The following FAM117B variants were observed in gnomAD, a reference collection of about 807,000 sequenced individuals.
FAM117B encodes family with sequence similarity 117 member B, also known as protein FAM117B.
FAM117B carries 22 observed loss-of-function variants against 52.8 expected under a neutral mutation model. That is an observed-to-expected ratio of 0.42 (90% confidence interval 0.30 to 0.59). The LOEUF (loss-of-function observed/expected upper bound fraction) is 0.59. FAM117B is among the 20% of genes least tolerant of loss of function. The pLI is 0.22. For synonymous variants in FAM117B, 309 were observed against 324.1 expected (o/e 0.95, Z 0.50); for missense variants, 678 against 802.6 (o/e 0.84, Z 1.88).
At chr2:202,706,460 T>A (rs954517929) in intron 2 of FAM117B, among the ~76,000 whole-genome samples, 1 of 152,248 alleles carries the variant, frequency 6.6e-6, no homozygotes, top group South Asian at 2.1e-4. Flanking sequence ...TTTTCCAGTT[T>A]ATGGAAAAGA....
intron 4 of FAM117B, among the ~76,000 whole-genome samples, chr2:202,744,439 G>A (rs991302810): frequency 1.3e-5 from 2 of 152,102 alleles, no homozygotes; most frequent in Non-Finnish European, 2.9e-5. Context: ...CTATTCATGA[G>A]AAATCTGCCT....
At chr2:202,735,737 C>T (rs1025585556) in intron 4 of FAM117B, among the ~76,000 whole-genome samples, 2 of 152,130 alleles carry the variant, frequency 1.3e-5, no homozygotes, top group African/African-American at 2.4e-5. Context: ...GTCACATAAA[C>T]TAATTTTGAG....
chr2:202,763,776 A>G (rs191001203), intron 7 of FAM117B, among the ~76,000 whole-genome samples: 7 of 152,262 alleles, frequency 4.6e-5, no homozygotes, highest in African/African-American at 1.2e-4. Context: ...AGCTCTCCAT[A>G]GTGTTCACTG....
In FAM117B at chr2:202,759,360, A is replaced by G; in HGVS notation, c.1451+7A>G. ...AAGTCTTTGAGGAATGCTCGTAAGT[A>G]TCCCTTCCACCATCCCCACAAAAAA... is the stretch of plus-strand genomic sequence containing the variant. On this transcript the variant is annotated splice_region_variant and intron_variant, in intron 7 of 7. Transcript: ENST00000392238. 6.2e-7 allele frequency: 1 copy of G among 1,606,022 alleles called. No homozygotes were observed. Among genetic ancestry groups the G allele is most frequent in the Non-Finnish European group, 8.5e-7 (1 of 1,177,626 alleles).
At chr2:202,692,523 A>G (rs1690649850) in intron 1 of FAM117B, among the ~76,000 whole-genome samples, 1 of 152,242 alleles carries the variant, frequency 6.6e-6, no homozygotes, top group Non-Finnish European at 1.5e-5. Flanking sequence ...CAAAATTTCA[A>G]AATATAATAA....
At chr2:202,760,240 G>T (rs188009412) in intron 7 of FAM117B, among the ~76,000 whole-genome samples, 1 of 152,306 alleles carries the variant, frequency 6.6e-6, no homozygotes, top group Non-Finnish European at 1.5e-5. Context: ...GCTGTCATTT[G>T]TGAACATGTA....
chr2:202,635,386 G>T lies in FAM117B; in HGVS notation c.199G>T (p.Gly67Cys). 7.4e-7 allele frequency: 1 copy of T among 1,351,124 alleles called. No homozygotes were observed. Among genetic ancestry groups the T allele is most frequent in the Non-Finnish European group, 9.5e-7 (1 of 1,055,384 alleles). 83.7% of individuals were successfully genotyped at this position (1,351,124 alleles called of 1,614,324 possible). ...SGGGGGGNNN[G>C]GCCGGASGPA... ...CGGCGGCGGCGGCGGCAACAACAAC[G>T]GTGGCTGCTGTGGTGGCGCCTCAGG... Residue 67 changes from glycine to cysteine, a missense_variant, in exon 1 of 8, where the codon GGT (glycine) becomes TGT (cysteine). By Grantham distance (159) the Gly-to-Cys change is radical (BLOSUM62 -3). Transcript: ENST00000392238.
chr2:202,760,463 C>T (rs910885608), intron 7 of FAM117B, among the ~76,000 whole-genome samples: 9 of 152,166 alleles, frequency 5.9e-5, no homozygotes, highest in Middle Eastern at 6.3e-3. Context: ...GTATTTCTGC[C>T]TCCCCTCTTT....
chr2:202,753,634 C>A (rs1225535589), intron 4 of FAM117B, among the ~76,000 whole-genome samples: 2 of 152,002 alleles, frequency 1.3e-5, no homozygotes, highest in Non-Finnish European at 2.9e-5. Flanking sequence ...GGTTTAATAT[C>A]CAGAATTTAC....
chr2:202,645,074 TTCTG>T (rs1689839343), intron 1 of FAM117B, among the ~76,000 whole-genome samples: 1 of 152,158 alleles, frequency 6.6e-6, no homozygotes, highest in African/African-American at 2.4e-5. Flanking sequence ...ATTTAACAAT[TTCTG>T]TCTAGTTTCC....
At chr2:202,764,727 C>A (rs893764828) in intron 7 of FAM117B, among the ~76,000 whole-genome samples, 1 of 152,100 alleles carries the variant, frequency 6.6e-6, no homozygotes, top group African/African-American at 2.4e-5. Flanking sequence ...ATACCAATAT[C>A]TTTTTCAACA....
intron 1 of FAM117B, among the ~76,000 whole-genome samples, chr2:202,642,511 C>T (rs1279041529): frequency 6.6e-6 from 1 of 151,682 alleles, no homozygotes; most frequent in Non-Finnish European, 1.5e-5. Flanking sequence ...GATTGAGAAA[C>T]GGGGAGTTGA....
Position 202,646,797 on chromosome 2 carries a change from T to C in FAM117B, c.601+11009T>C, listed in dbSNP as rs559088436. 3.3e-5 allele frequency among the ~76,000 whole-genome samples: 5 copies of C among 152,330 alleles called. 1 individual carries two copies. In the East Asian group the frequency reaches 9.6e-4, roughly 29 times the overall value. On this transcript the variant is annotated intron_variant, in intron 1 of 7. Transcript: ENST00000392238. The stretch of plus-strand genomic sequence containing the variant: ...GTGAGTAGTGAAGTAAAGGAAACTT[T>C]AGTTTTTCCTTCTAAAGAAATTCCT...
At chr2:202,750,827 T>C (rs573677219) in intron 4 of FAM117B, among the ~76,000 whole-genome samples, 11 of 152,300 alleles carry the variant, frequency 7.2e-5, no homozygotes, top group African/African-American at 2.6e-4. Flanking sequence ...CTGGGTGAAA[T>C]ATAAATCTGT....
chr2:202,651,185 C>A (rs1291882982), intron 1 of FAM117B, among the ~76,000 whole-genome samples: 1 of 151,586 alleles, frequency 6.6e-6, no homozygotes, highest in African/African-American at 2.4e-5. Flanking sequence ...CCTCAGCCTC[C>A]AGAGTAGATG....
At chr2:202,757,917 G>T (rs577822496) in intron 6 of FAM117B, among the ~76,000 whole-genome samples, 1 of 152,144 alleles carries the variant, frequency 6.6e-6, no homozygotes, top group Non-Finnish European at 1.5e-5. Flanking sequence ...GATGTAAAAC[G>T]TTGGAGGGTA....
intron 2 of FAM117B, among the ~76,000 whole-genome samples, chr2:202,699,605 C>T (rs937292659): frequency 2.6e-5 from 4 of 152,030 alleles, no homozygotes; most frequent in Non-Finnish European, 5.9e-5. Context: ...TTAGCAGTAA[C>T]ACAATTAATC....
chr2:202,715,645 C>A (rs1394137594), intron 2 of FAM117B, among the ~76,000 whole-genome samples: 5 of 152,116 alleles, frequency 3.3e-5, no homozygotes, highest in African/African-American at 7.2e-5. Flanking sequence ...TGATGGGCGG[C>A]CAGGCAGAGA....
intron 2 of FAM117B, among the ~76,000 whole-genome samples, chr2:202,701,519 T>C (rs1690795044): frequency 6.6e-6 from 1 of 152,242 alleles, no homozygotes; most frequent in South Asian, 2.1e-4. Flanking sequence ...CTGCCATAGA[T>C]AGTGATTCCT....
Sources: allele counts gnomAD v4.1 joint callset (sites outside exome capture counted in the v4.1 genomes callset), GRCh38; gene constraint gnomAD v4.1.1; transcripts MANE v1.5; gene names NCBI Gene and HGNC (gene_info 2026-07-23, HGNC 2026-07-21).